Variants in CERS4 observed in about 807,000 individuals in gnomAD.
The protein encoded by CERS4 is ceramide synthase 4, also known as LAG1 homolog, ceramide synthase 4.
Under a neutral mutation model 51.8 loss-of-function variants are expected in CERS4, and 65 were observed. That is an observed-to-expected ratio of 1.26 (90% CI 1.03 to 1.54). The LOEUF is 1.54. Ranked by LOEUF, CERS4 falls within the 40% of genes most tolerant of loss-of-function variation. The probability of loss-of-function intolerance (pLI) is 0.00; values close to 1 mark genes in which losing one functional copy is unlikely to be tolerated. For synonymous variants in CERS4, 228 were observed against 208.4 expected (o/e 1.09, Z -0.81); for missense variants, 563 against 500.4 (o/e 1.13, Z -1.19).
chr19:8,222,450 G>A (rs1444724461), intron 2 of CERS4, among the ~76,000 whole-genome samples: 1 of 151,996 alleles, frequency 6.6e-6, no homozygotes, highest in African/African-American at 2.4e-5. Context: ...GAAGTGCTGG[G>A]ATTACAGGCG....
chr19:8,223,618 T>G, intron 2 of CERS4, among the ~76,000 whole-genome samples: 1 of 151,790 alleles, frequency 6.6e-6, no homozygotes, highest in East Asian at 1.9e-4. Flanking sequence ...AAACTCTGTC[T>G]AAAAAAACAA....
intron 10 of CERS4, among the ~76,000 whole-genome samples, chr19:8,258,444 C>T (rs1325113068): frequency 6.6e-6 from 1 of 152,176 alleles, no homozygotes; most frequent in Non-Finnish European, 1.5e-5. Context: ...CGTGGTAGCT[C>T]ATGCCTGTAA....
intron 2 of CERS4, among the ~76,000 whole-genome samples, chr19:8,239,855 T>G (rs1181673523): frequency 1.3e-5 from 2 of 152,230 alleles, no homozygotes; most frequent in Non-Finnish European, 2.9e-5. Context: ...AACATTTATG[T>G]GGCATCTAAT....
intron 2 of CERS4, among the ~76,000 whole-genome samples, chr19:8,212,161 C>T (rs2145150262): frequency 6.6e-6 from 1 of 152,228 alleles, no homozygotes; most frequent in Admixed American, 6.6e-5. Context: ...AGGGCAGAGC[C>T]AGCCTGCCAG....
intron 3 of CERS4, 64 bp from the exon 4 acceptor site, chr19:8,254,435 C>A: frequency 2.0e-6 from 3 of 1,487,374 alleles, no homozygotes; most frequent in Non-Finnish European, 2.8e-6. Context: ...GCATGTCTGC[C>A]CCCACACACA....
chr19:8,221,874 T>A (rs1482022263), intron 2 of CERS4, among the ~76,000 whole-genome samples: 21 of 79,952 alleles, frequency 2.6e-4, no homozygotes, highest in African/African-American at 1.1e-3. Flanking sequence ...TTTTTTATGT[T>A]TTTTTTTTTT....
intron 2 of CERS4, among the ~76,000 whole-genome samples, chr19:8,246,788 A>AG (rs902392989): frequency 2.6e-4 from 39 of 152,064 alleles, no homozygotes; most frequent in African/African-American, 7.0e-4. Context: ...TGGAATGCAA[A>AG]GGGGAGAATC....
chr19:8,255,372 C>T (rs1034341567), intron 4 of CERS4, among the ~76,000 whole-genome samples: 1 of 152,140 alleles, frequency 6.6e-6, no homozygotes, highest in Non-Finnish European at 1.5e-5. Context: ...CTCTTAATCC[C>T]ATCCCCGTCA....
intron 10 of CERS4, among the ~76,000 whole-genome samples, chr19:8,260,005 G>A (rs1450798923): frequency 1.3e-5 from 2 of 152,082 alleles, no homozygotes; most frequent in Non-Finnish European, 2.9e-5. Flanking sequence ...AGATTAGGCA[G>A]AAGTGGCTGT....
At chr19:8,233,167 G>A (rs895853820) in intron 2 of CERS4, among the ~76,000 whole-genome samples, 8 of 151,460 alleles carry the variant, frequency 5.3e-5, no homozygotes, top group African/African-American at 1.2e-4. Context: ...CACCACACTC[G>A]GCTAATTTTT....
intron 2 of CERS4, among the ~76,000 whole-genome samples, chr19:8,235,250 GC>G (rs369010105): frequency 4.6e-5 from 7 of 151,036 alleles, no homozygotes; most frequent in African/African-American, 1.7e-4. Flanking sequence ...CTCGTGATCT[GC>G]CCCCCTCAGC....
At chr19:8,255,988 TGAG>T (rs1207709860) in intron 6 of CERS4, 109 bp downstream of exon 6, 3 of 1,259,604 alleles carry the variant, frequency 2.4e-6, no homozygotes, top group African/African-American at 1.5e-5. Flanking sequence ...AACATGCAGC[TGAG>T]GAGAGAGCGA....
At position 8,257,924 on chromosome 19, in the gene CERS4, G is replaced by C. The variant is rs753458006; in HGVS notation, c.787G>C (p.Ala263Pro). 1 of 1,613,822 alleles carries C rather than the reference G, an allele frequency of 6.2e-7. No individual in the cohort carries two copies. Among genetic ancestry groups the C allele is most frequent in the African/African-American group, 1.3e-5 (1 of 74,888 alleles). ...NYMQYQQVCD[A>P]LFLIFSFVFF... is the part of the protein sequence containing the mutation. ...CATGCAGTATCAGCAAGTGTGCGAC[G>C]CTCTCTTCCTCATCTTCTCCTTTGT... Residue 263 changes from alanine (A) to proline (P), a missense_variant, in exon 10 of 12, where the codon GCT (alanine) becomes CCT (proline). Transcript: ENST00000251363.
chr19:8,251,754 A>G (rs532332388), intron 3 of CERS4, among the ~76,000 whole-genome samples: 18 of 151,876 alleles, frequency 1.2e-4, no homozygotes, highest in Middle Eastern at 6.8e-3. Context: ...CAGTGAGCCA[A>G]GATTGTGCCG....
At chr19:8,249,562 T>C (rs1024390626) in intron 2 of CERS4, among the ~76,000 whole-genome samples, 43 of 148,062 alleles carry the variant, frequency 2.9e-4, no homozygotes, top group African/African-American at 9.9e-4. Context: ...CTACCTTCCA[T>C]AGATGGCCAG....
At chr19:8,219,453 C>T (rs185908316) in intron 2 of CERS4, among the ~76,000 whole-genome samples, 16 of 152,260 alleles carry the variant, frequency 1.1e-4, no homozygotes, top group Admixed American at 9.8e-4. Flanking sequence ...TGGCTTGAGG[C>T]CAGGAGTTCG....
chr19:8,214,957 G>A (rs1239749510), intron 2 of CERS4, among the ~76,000 whole-genome samples: 2 of 142,432 alleles, frequency 1.4e-5, no homozygotes, highest in South Asian at 2.5e-4. Context: ...GGAGAGGGAG[G>A]AGGGGGAGGA....
chr19:8,224,191 G>A lies in CERS4; in HGVS notation c.-2+13329G>A, dbSNP rs568241011. On this transcript the variant is annotated intron_variant, in intron 2 of 11. Coordinates refer to ENST00000251363, the MANE Select transcript of CERS4 (RefSeq NM_024552.3). ...TGGGAGGCCAAGGCGGGCGGATCACGAGGTCAGGGGTTCGAGACCAGCCTG... is the reference window on the plus strand; with the variant it reads ...TGGGAGGCCAAGGCGGGCGGATCACAAGGTCAGGGGTTCGAGACCAGCCTG... Among the ~76,000 whole-genome samples, 8 of 150,534 alleles carry A rather than the reference G, an allele frequency of 5.3e-5. No homozygotes were observed. The South Asian group carries it at 1.3e-3, about 24-fold the overall frequency.
chr19:8,238,935 C>T (rs1387686532), intron 2 of CERS4, among the ~76,000 whole-genome samples: 2 of 151,512 alleles, frequency 1.3e-5, no homozygotes, highest in South Asian at 2.1e-4. Context: ...CCTATCTCTA[C>T]AAAAAAATAA....
Sources: allele counts gnomAD v4.1 joint callset (sites outside exome capture counted in the v4.1 genomes callset), GRCh38; gene constraint gnomAD v4.1.1; transcripts MANE v1.5; gene names NCBI Gene and HGNC (gene_info 2026-07-23, HGNC 2026-07-21).